The following DHRSX variants were observed in gnomAD, a reference collection of about 807,000 sequenced individuals.
DHRSX encodes the protein polyprenol dehydrogenase.
DHRSX carries 31 observed loss-of-function variants against 34.0 expected under a neutral mutation model. That is an observed-to-expected ratio of 0.91 (90% CI 0.69 to 1.23). The LOEUF is 1.23. Ranked by LOEUF, DHRSX falls within the 50% of genes most tolerant of loss-of-function variation. DHRSX has a pLI of 0.00. For synonymous variants in DHRSX, 201 were observed against 183.8 expected, an observed-to-expected ratio of 1.09 and a Z score of -0.76; for missense variants, 414 against 428.1, an observed-to-expected ratio of 0.97 and a Z score of 0.29.
intron 1 of DHRSX, among the ~76,000 whole-genome samples, chrX:2,458,161 A>C (rs2044338373): frequency 6.6e-6 from 1 of 151,930 alleles, no homozygotes; most frequent in South Asian, 2.1e-4. Context: ...GATGTTTCCT[A>C]AGCATGTGGT....
chrX:2,376,104 G>A lies in DHRSX; in HGVS notation c.286+32641C>T, dbSNP rs775679919. On this transcript the variant is annotated intron_variant, in intron 3 of 6. Transcript: ENST00000334651. ...TGTTCTGGTAGAAGAACAACTTCCC[G>A]CTGCCTGCATTGCAGGTGCCTCTGA... Among the ~76,000 whole-genome samples the A allele has an allele frequency of 2.9e-5, 4 of 137,670 alleles. 1 individual carries two copies. The South Asian group carries it at 6.9e-4, about 24-fold the overall frequency. 90.3% of individuals were successfully genotyped at this position (137,670 alleles called of 152,430 possible). A position where few individuals can be genotyped will look rare whatever the true frequency, so the allele number is the denominator to read the frequency against.
At chrX:2,445,808 C>G (rs2044124182) in intron 1 of DHRSX, among the ~76,000 whole-genome samples, 1 of 151,450 alleles carries the variant, frequency 6.6e-6, no homozygotes, top group South Asian at 2.1e-4. Context: ...GTTCTCTAGG[C>G]ATGTGGCCAA....
intron 6 of DHRSX, among the ~76,000 whole-genome samples, chrX:2,230,323 C>T (rs984080824): frequency 2.0e-5 from 3 of 152,198 alleles, no homozygotes; most frequent in African/African-American, 7.2e-5. Context: ...GTTTCATGGC[C>T]TCAGTGACCA....
At position 2,383,142 on chromosome X, in the gene DHRSX, ATGACCATCATCATCAC is replaced by A. The variant is rs751813485; in HGVS notation, c.286+25587_286+25602del. Among the ~76,000 whole-genome samples, 535 of 151,654 alleles carry A rather than the reference ATGACCATCATCATCAC, an allele frequency of 3.5e-3. 2 individuals carry two copies. The highest frequency in any genetic ancestry group is 6.3e-3 in the Non-Finnish European group (431 of 67,928). On this transcript the variant is annotated intron_variant, in intron 3 of 6. Transcript: ENST00000334651. ...CACCACCACCATTGTCATCACCATC[ATGACCATCATCATCAC>A]TGACCATCATCATCATCACATGACC...
chrX:2,340,642 A>C (rs1263987946), intron 3 of DHRSX, among the ~76,000 whole-genome samples: 1 of 152,094 alleles, frequency 6.6e-6, no homozygotes, highest in Non-Finnish European at 1.5e-5. Flanking sequence ...TCCCCGCCAG[A>C]CACCCGCCAT....
intron 1 of DHRSX, among the ~76,000 whole-genome samples, chrX:2,470,046 C>T (rs2044564950): frequency 6.6e-6 from 1 of 151,660 alleles, no homozygotes. Flanking sequence ...GGCATAGACA[C>T]ACAGTGGAAT....
chrX:2,283,402 G>A (rs1464362722), intron 4 of DHRSX, among the ~76,000 whole-genome samples: 1 of 152,082 alleles, frequency 6.6e-6, no homozygotes, highest in African/African-American at 2.4e-5. Flanking sequence ...CAAACAGAAG[G>A]CACGCAGAAT....
chrX:2,450,109 G>A (rs1207732666), intron 1 of DHRSX, among the ~76,000 whole-genome samples: 1 of 149,040 alleles, frequency 6.7e-6, no homozygotes, highest in Non-Finnish European at 1.5e-5. Context: ...ACAAATAAGT[G>A]CATTCCAATT....
chrX:2,469,651 C>A (rs956250320), intron 1 of DHRSX, among the ~76,000 whole-genome samples: 2 of 151,832 alleles, frequency 1.3e-5, no homozygotes, highest in Admixed American at 6.6e-5. Context: ...CAAGGGACTG[C>A]CACCGTGTAC....
intron 1 of DHRSX, among the ~76,000 whole-genome samples, chrX:2,460,479 A>G (rs1298275655): frequency 1.3e-5 from 2 of 152,032 alleles, no homozygotes; most frequent in Non-Finnish European, 2.9e-5. Context: ...GTGCAGTGGC[A>G]TGATCGTAGC....
intron 1 of DHRSX, among the ~76,000 whole-genome samples, chrX:2,427,254 A>G (rs1056634707): frequency 6.6e-6 from 1 of 152,316 alleles, no homozygotes; most frequent in Admixed American, 6.5e-5. Context: ...CTGGCTGGCT[A>G]GCTGGAGCCA....
chrX:2,224,685 C>A (rs1320550274), intron 6 of DHRSX, among the ~76,000 whole-genome samples: 1 of 152,056 alleles, frequency 6.6e-6, no homozygotes, highest in Non-Finnish European at 1.5e-5. Flanking sequence ...TACTCACATG[C>A]ACACAAATAT....
At chrX:2,486,407 C>A (rs1263704932) in intron 1 of DHRSX, 3 of 152,128 alleles carry the variant, frequency 2.0e-5, no homozygotes, top group Non-Finnish European at 4.4e-5. Context: ...CAGACGGACA[C>A]GCGGCAGACA....
At chrX:2,234,996 C>T (rs2015980377) in intron 6 of DHRSX, among the ~76,000 whole-genome samples, 1 of 152,182 alleles carries the variant, frequency 6.6e-6, no homozygotes, top group African/African-American at 2.4e-5. Flanking sequence ...CAGGCATGAT[C>T]CACCATGCCC....
chrX:2,310,092 T>C (rs62593063), intron 3 of DHRSX, among the ~76,000 whole-genome samples: 107,911 of 151,900 alleles, frequency 0.71, 39,256 homozygotes, highest in Middle Eastern at 0.8. Context: ...CACGAGTGTC[T>C]TGGTAAGCCA....
At chrX:2,297,762 GTTT>G (rs757257087) in intron 3 of DHRSX, among the ~76,000 whole-genome samples, 2 of 144,722 alleles carry the variant, frequency 1.4e-5, no homozygotes, top group African/African-American at 5.1e-5. Context: ...GTCTTTTTGA[GTTT>G]TTTTTTTTTG....
At chrX:2,417,595 C>T (rs1603069974) in intron 2 of DHRSX, among the ~76,000 whole-genome samples, 1 of 152,042 alleles carries the variant, frequency 6.6e-6, no homozygotes, top group Non-Finnish European at 1.5e-5. Flanking sequence ...AATTAGACGT[C>T]ATCATGACCT....
At chrX:2,459,809 A>C (rs2044377835) in intron 1 of DHRSX, among the ~76,000 whole-genome samples, 1 of 151,680 alleles carries the variant, frequency 6.6e-6, no homozygotes. Context: ...TTATGTGCTC[A>C]AGGTGTATCT....
At chrX:2,261,599 C>CT in intron 5 of DHRSX, 1 of 152,144 alleles carries the variant, frequency 6.6e-6, no homozygotes, top group Non-Finnish European at 1.5e-5. Context: ...TGGCAAAATC[C>CT]TGTCTCTACT....
Sources: allele counts gnomAD v4.1 joint callset (sites outside exome capture counted in the v4.1 genomes callset), GRCh38; gene constraint gnomAD v4.1.1; transcripts MANE v1.5; gene names NCBI Gene and HGNC (gene_info 2026-07-23, HGNC 2026-07-21).